Variants in CNTN4 observed in about 807,000 individuals in gnomAD.
CNTN4 encodes contactin 4.
Under a neutral mutation model 122.5 loss-of-function variants are expected in CNTN4, and 77 were observed. The observed-to-expected ratio is 0.63, with a 90% confidence interval of 0.52 to 0.76. The LOEUF (loss-of-function observed/expected upper bound fraction) is 0.76. Ranked by LOEUF, CNTN4 falls within the 30% of genes least tolerant of loss-of-function variation. The pLI is 0.00. For synonymous variants in CNTN4, 512 were observed against 447.0 expected (o/e 1.15, Z -1.83); for missense variants, 1,256 against 1,259.1 (o/e 1.00, Z 0.04).
At chr3:2,630,000 G>A (rs540603044) in intron 4 of CNTN4, among the ~76,000 whole-genome samples, 11 of 152,240 alleles carry the variant, frequency 7.2e-5, no homozygotes, top group South Asian at 2.1e-4. Flanking sequence ...ACCCTGAGCC[G>A]AATCTGCCTC....
At chr3:2,623,916 C>T (rs966116029) in intron 4 of CNTN4, among the ~76,000 whole-genome samples, 2 of 152,060 alleles carry the variant, frequency 1.3e-5, no homozygotes, top group Non-Finnish European at 2.9e-5. Flanking sequence ...AACAAAAAAA[C>T]CCTGTCTGTT....
chr3:2,940,502 G>C (rs538486566), intron 13 of CNTN4, among the ~76,000 whole-genome samples: 6 of 152,190 alleles, frequency 3.9e-5, no homozygotes, highest in Non-Finnish European at 5.9e-5. Context: ...CTGCAAGAGA[G>C]TGACATATTT....
intron 3 of CNTN4, among the ~76,000 whole-genome samples, chr3:2,396,668 T>A (rs538811490): frequency 3.9e-5 from 6 of 151,968 alleles, no homozygotes; most frequent in Admixed American, 1.3e-4. Flanking sequence ...TTTTTTTTTT[T>A]TTATTAACCT....
At chr3:2,582,847 C>G (rs2080005398) in intron 4 of CNTN4, among the ~76,000 whole-genome samples, 1 of 151,184 alleles carries the variant, frequency 6.6e-6, no homozygotes, top group Non-Finnish European at 1.5e-5. Flanking sequence ...AGTAATTAAA[C>G]TTCCCCCTAC....
At chr3:2,614,264 T>C (rs2081618171) in intron 4 of CNTN4, among the ~76,000 whole-genome samples, 1 of 152,020 alleles carries the variant, frequency 6.6e-6, no homozygotes, top group African/African-American at 2.4e-5. Flanking sequence ...GGGAATAAGC[T>C]TGAAATGTAG....
intron 13 of CNTN4, among the ~76,000 whole-genome samples, chr3:2,948,432 G>A (rs1385413366): frequency 6.6e-6 from 1 of 152,146 alleles, no homozygotes; most frequent in Non-Finnish European, 1.5e-5. Context: ...GTGACTGAGA[G>A]GCAAGTGGTG....
chr3:2,634,733 G>A (rs2082589097), intron 4 of CNTN4, among the ~76,000 whole-genome samples: 1 of 151,106 alleles, frequency 6.6e-6, no homozygotes, highest in Non-Finnish European at 1.5e-5. Flanking sequence ...GCATGCACCT[G>A]TAGTCCCACC....
intron 4 of CNTN4, among the ~76,000 whole-genome samples, chr3:2,580,481 A>G (rs140216444): frequency 7.2e-5 from 11 of 152,250 alleles, no homozygotes; most frequent in African/African-American, 2.4e-4. Context: ...TAGCACGTAA[A>G]AGCCCTTAAT....
At chr3:2,222,202 T>G (rs529542617) in intron 2 of CNTN4, among the ~76,000 whole-genome samples, 2 of 152,236 alleles carry the variant, frequency 1.3e-5, no homozygotes, top group African/African-American at 2.4e-5. Flanking sequence ...ATCCAAATAG[T>G]GGAATGCTGT....
chr3:2,320,773 A>G (rs1215795167), intron 2 of CNTN4, among the ~76,000 whole-genome samples: 2 of 152,164 alleles, frequency 1.3e-5, no homozygotes, highest in African/African-American at 4.8e-5. Context: ...AGGAAAAAGA[A>G]ATACATGAGT....
chr3:2,242,171 A>G (rs779722918), intron 2 of CNTN4, among the ~76,000 whole-genome samples: 1 of 152,164 alleles, frequency 6.6e-6, no homozygotes, highest in Non-Finnish European at 1.5e-5. Flanking sequence ...TAGAAATCAC[A>G]AAACGATAGA....
At chr3:2,216,487 A>G (rs1375437836) in intron 2 of CNTN4, among the ~76,000 whole-genome samples, 4 of 152,190 alleles carry the variant, frequency 2.6e-5, no homozygotes, top group Non-Finnish European at 4.4e-5. Context: ...CTCCCGTGAC[A>G]TGAGTTTACC....
At chr3:2,210,330 G>A (rs1457525259) in intron 2 of CNTN4, among the ~76,000 whole-genome samples, 1 of 152,154 alleles carries the variant, frequency 6.6e-6, no homozygotes, top group Non-Finnish European at 1.5e-5. Flanking sequence ...TATTGTAGGA[G>A]AATAGACTTC....
In CNTN4 at chr3:2,712,399, C is replaced by G. The variant is rs116066006; in HGVS notation, c.56-23816C>G. ...CCATAGGGAGATAAAATTCTATTAG[C>G]TAGTATAGAGGAGAAAAGGTAACAT... On this transcript the variant is annotated intron_variant, in intron 4 of 24. Coordinates refer to ENST00000418658, the MANE Select transcript of CNTN4 (RefSeq NM_175607.3). Among the ~76,000 whole-genome samples, 676 of 152,196 alleles carry G rather than the reference C, an allele frequency of 4.4e-3. 1 individual carries two copies. The highest frequency in any genetic ancestry group is 0.016 in the African/African-American group (654 of 41,530).
intron 3 of CNTN4, among the ~76,000 whole-genome samples, chr3:2,388,831 C>G (rs543566929): frequency 2.0e-5 from 3 of 149,594 alleles, no homozygotes; most frequent in East Asian, 2.0e-4. Flanking sequence ...GGCAACAGAG[C>G]TAGATTCTGT....
chr3:2,627,715 G>T (rs182038270), intron 4 of CNTN4, among the ~76,000 whole-genome samples: 5 of 151,828 alleles, frequency 3.3e-5, no homozygotes, highest in East Asian at 3.9e-4. Context: ...GGATGGTCTC[G>T]ATCTCCTGAC....
chr3:3,028,770 G>T (rs150039534), intron 15 of CNTN4, among the ~76,000 whole-genome samples: 2 of 152,250 alleles, frequency 1.3e-5, no homozygotes, highest in East Asian at 3.9e-4. Context: ...TACTTGCAAA[G>T]TGCCTAATCA....
chr3:2,630,793 A>T (rs1488819124), intron 4 of CNTN4, among the ~76,000 whole-genome samples: 2 of 152,084 alleles, frequency 1.3e-5, no homozygotes, highest in Non-Finnish European at 2.9e-5. Flanking sequence ...CTTATTTAAA[A>T]AATGTGTAAA....
At chr3:2,863,316 C>G (rs1056797267) in intron 7 of CNTN4, among the ~76,000 whole-genome samples, 3 of 152,084 alleles carry the variant, frequency 2.0e-5, no homozygotes, top group African/African-American at 7.2e-5. Flanking sequence ...GTACACCAGC[C>G]AAGACTTTTC....
Sources: allele counts gnomAD v4.1 joint callset (sites outside exome capture counted in the v4.1 genomes callset), GRCh38; gene constraint gnomAD v4.1.1; transcripts MANE v1.5; gene names NCBI Gene and HGNC (gene_info 2026-07-23, HGNC 2026-07-21).